SYF2: variants seen among roughly 807,000 people sequenced by gnomAD.
SYF2 encodes SYF2 pre-mRNA splicing factor, also known as pre-mRNA-splicing factor SYF2.
SYF2 carries 21 observed loss-of-function variants against 32.7 expected under a neutral mutation model. That is an observed-to-expected ratio of 0.64 (90% CI 0.45 to 0.92). SYF2 has a LOEUF of 0.92. Ranked by LOEUF, SYF2 falls within the 40% of genes least tolerant of loss-of-function variation. SYF2 has a pLI of 0.00. For synonymous variants in SYF2, 114 were observed against 103.9 expected, an observed-to-expected ratio of 1.10 and a Z score of -0.59; for missense variants, 278 against 296.5, an observed-to-expected ratio of 0.94 and a Z score of 0.46.
intron 5 of SYF2, 58 bp downstream of exon 5, chr1:25,227,384 T>C (rs770133519): frequency 7.7e-5 from 102 of 1,333,134 alleles, no homozygotes; most frequent in Non-Finnish European, 1.0e-4. Context: ...TATGTACATG[T>C]ATACACACAC....
chr1:25,228,631 C>T lies in SYF2; in HGVS notation c.258+367G>A, dbSNP rs1192981350. ...GATTACAGGCATGAGCCACTGCACC[C>T]GGCCACTTTAATAGCATTTAAAGGA... On this transcript the variant is annotated intron_variant, in intron 3 of 6. Coordinates refer to ENST00000236273, the MANE Select transcript of SYF2 (RefSeq NM_015484.5). Among the ~76,000 whole-genome samples, 5 of 152,260 alleles carry T rather than the reference C, an allele frequency of 3.3e-5. No homozygotes were observed. The East Asian group carries it at 9.6e-4, about 29-fold the overall frequency.
At chr1:25,229,283 T>C (rs1409049535) in intron 2 of SYF2, among the ~76,000 whole-genome samples, 160 bp from the exon 3 acceptor site, 1 of 152,200 alleles carries the variant, frequency 6.6e-6, no homozygotes, top group Non-Finnish European at 1.5e-5. Context: ...AGCCAGGGAA[T>C]AGCCTAATAG....
chr1:25,232,019 A>C, intron 2 of SYF2, 85 bp downstream of exon 2: 1 of 1,317,518 alleles, frequency 7.6e-7, no homozygotes, highest in South Asian at 1.2e-5. Flanking sequence ...TGTCAGACGC[A>C]GTGGTGTGGC....
rs1638439405 is a variant in SYF2 at position 25,223,077 on chromosome 1, G to A, written c.*189C>T. ...TACAAGAAATACATCTTATATCCAA[G>A]CACAAAAATGTGGAAATATACATGA... On this transcript the variant is annotated 3_prime_UTR_variant, in exon 7 of 7. Coordinates refer to ENST00000236273, the MANE Select transcript of SYF2 (RefSeq NM_015484.5). The A allele has an allele frequency of 2.1e-6, 1 of 476,420 alleles. No homozygotes were observed. Among genetic ancestry groups the A allele is most frequent in the Non-Finnish European group, 3.6e-6 (1 of 274,550 alleles). 29.5% of individuals were successfully genotyped at this position (476,420 alleles called of 1,614,324 possible).
At chr1:25,224,151 G>C (rs529973328) in intron 6 of SYF2, among the ~76,000 whole-genome samples, 4 of 151,836 alleles carry the variant, frequency 2.6e-5, no homozygotes, top group Middle Eastern at 3.4e-3. Context: ...CCAAGATCGT[G>C]ACACTGCGCT....
intron 5 of SYF2, among the ~76,000 whole-genome samples, chr1:25,225,583 G>A (rs1362637660): frequency 6.6e-6 from 1 of 152,006 alleles, no homozygotes; most frequent in Non-Finnish European, 1.5e-5. Context: ...GTGGAGGCCA[G>A]GCGCAGTGGC....
Position 25,229,118 on chromosome 1 carries a change from T to G in SYF2, c.138A>C (p.Glu46Asp). The G allele has an allele frequency of 6.2e-7, 1 of 1,611,728 alleles. No individual in the cohort carries two copies. Residue 46 changes from glutamate (E) to aspartate (D), a missense_variant, in exon 3 of 7, where the codon GAA (glutamate) becomes GAC (aspartate). Physicochemically the swap from Glu to Asp is conservative, Grantham distance 45. Transcript: ENST00000236273. ...CTTCCTGGTGATTTAATTTACGAGC[T>G]TCATTCTAAAACCGTAACACAAGAA... Reference protein sequence around the residue: ...KFRELHLMRNEARKLNHQEVV... With the variant: ...KFRELHLMRNDARKLNHQEVV...
At position 25,232,436 on chromosome 1, in the gene SYF2, G is replaced by C. The variant is rs1385412516; in HGVS notation, c.24+8C>G. ...CAAAACCCCCGGTGTACGGTGGGTGGAACTCACCTCGGATGCAGCTATAGC... is the reference window on the plus strand; with the variant it reads ...CAAAACCCCCGGTGTACGGTGGGTGCAACTCACCTCGGATGCAGCTATAGC... On this transcript the variant is annotated splice_region_variant and intron_variant, in intron 1 of 6. Transcript: ENST00000236273. The C allele has an allele frequency of 1.9e-6, 3 of 1,614,146 alleles. No individual in the cohort carries two copies. The highest frequency in any genetic ancestry group is 2.5e-6 in the Non-Finnish European group (3 of 1,180,030).
rs1369621998 is a variant in SYF2 at position 25,227,600 on chromosome 1, A to T, written c.377-68T>A. ...TTTGGACCTTCCTATTGAGAGAAAA[A>T]TCTAAATTATCACAGGTGAGTATCT... is the stretch of plus-strand genomic sequence containing the variant. On this transcript the variant is annotated intron_variant, in intron 4 of 6. Transcript: ENST00000236273. The T allele has an allele frequency of 2.4e-5, 33 of 1,365,298 alleles. No individual in the cohort carries two copies. In the Middle Eastern group the frequency reaches 7.3e-4, roughly 30 times the overall value. The allele number at this position is 1,365,298 out of a possible 1,614,324, so 84.6% of individuals were successfully genotyped here. A position where few individuals can be genotyped will look rare whatever the true frequency, so the allele number is the denominator to read the frequency against.
chr1:25,228,643 T>C (rs1638565369), intron 3 of SYF2, among the ~76,000 whole-genome samples: 1 of 152,208 alleles, frequency 6.6e-6, no homozygotes, highest in Non-Finnish European at 1.5e-5. Flanking sequence ...GCCACTTTAA[T>C]AGCATTTAAA....
At chr1:25,228,748 C>T (rs530051077) in intron 3 of SYF2, among the ~76,000 whole-genome samples, 3 of 152,324 alleles carry the variant, frequency 2.0e-5, no homozygotes, top group Admixed American at 2.0e-4. Context: ...GTTTTACATG[C>T]ATTAACTCAC....
rs1309983285 is a variant in SYF2 at position 25,232,495 on chromosome 1, G to A, written c.-28C>T. 1 of 1,613,984 alleles carries A rather than the reference G, an allele frequency of 6.2e-7. No homozygotes were observed. The highest frequency in any genetic ancestry group is 1.3e-5 in the African/African-American group (1 of 74,904). On this transcript the variant is annotated 5_prime_UTR_variant, in exon 1 of 7. Transcript: ENST00000236273. ...CAACCTTTCTCTCTTCCCACTTCCG[G>A]CAACAAGATAGAGCACTTCCGTCAA...
intron 2 of SYF2, among the ~76,000 whole-genome samples, chr1:25,229,702 G>A (rs1470315640): frequency 1.3e-5 from 2 of 151,670 alleles, no homozygotes; most frequent in Admixed American, 1.3e-4. Flanking sequence ...TTGAACCCAG[G>A]AGGCAGAGGT....
intron 1 of SYF2, 26 bp downstream of exon 1, chr1:25,232,418 C>T: frequency 1.2e-6 from 2 of 1,614,212 alleles, no homozygotes; most frequent in South Asian, 1.1e-5. Context: ...CAACAAAACC[C>T]CCGGTGTACG....
rs1352470645 is a variant in SYF2, at chr1:25,224,967, A to G, written c.566+35T>C. On this transcript the variant is annotated intron_variant, in intron 6 of 6. Transcript: ENST00000236273. ...TTCTAAGTGCATTTTGTCATGAAGT[A>G]TTTACAACGTCAAGCTGCTCTACTG... 6 of 1,445,948 alleles carry G rather than the reference A, an allele frequency of 4.1e-6. No individual in the cohort carries two copies. The South Asian group carries it at 6.9e-5, about 17-fold the overall frequency. The allele number at this position is 1,445,948 out of a possible 1,614,324, so 89.6% of individuals were successfully genotyped here.
intron 2 of SYF2, chr1:25,230,773 T>A (rs1270856982): frequency 6.6e-6 from 1 of 151,720 alleles, no homozygotes; most frequent in Admixed American, 6.6e-5. Flanking sequence ...GGATGTGGAT[T>A]GGGTACTGTC....
chr1:25,232,444 C>A lies in SYF2; in HGVS notation c.24G>T (p.Glu8Asp), dbSNP rs758526842. ...CCGGTGTACGGTGGGTGGAACTCAC[C>A]TCGGATGCAGCTATAGCCGCCATCA... MAAIAAS[E>D]VLVDSAEEGS... Residue 8 changes from glutamate to aspartate, a missense_variant and splice_region_variant, in exon 1 of 7, where the codon GAG becomes GAT. Physicochemically the swap from Glu to Asp is conservative, Grantham distance 45. Transcript: ENST00000236273. 1.2e-6 allele frequency: 2 copies of A among 1,614,192 alleles called. No homozygotes were observed. The highest frequency in any genetic ancestry group is 2.2e-5 in the South Asian group (2 of 91,084).
intron 2 of SYF2, chr1:25,231,405 T>C (rs1329537152): frequency 6.6e-6 from 1 of 152,284 alleles, no homozygotes; most frequent in Non-Finnish European, 1.5e-5. Context: ...TCTCTTTCTT[T>C]GAATTTGTTC....
intron 6 of SYF2, among the ~76,000 whole-genome samples, chr1:25,224,149 G>A (rs1434250254): frequency 5.9e-5 from 9 of 152,028 alleles, no homozygotes; most frequent in Non-Finnish European, 1.3e-4. Flanking sequence ...AGCCAAGATC[G>A]TGACACTGCG....
Sources: allele counts gnomAD v4.1 joint callset (sites outside exome capture counted in the v4.1 genomes callset), GRCh38; gene constraint gnomAD v4.1.1; transcripts MANE v1.5; gene names NCBI Gene and HGNC (gene_info 2026-07-23, HGNC 2026-07-21).